Variants in NINJ2 observed in about 807,000 individuals in gnomAD.
NINJ2 encodes ninjurin-2.
A neutral mutation model predicts 11.7 loss-of-function variants in NINJ2; 12 were observed. The ratio of observed to expected loss-of-function variants is 1.02; its 90% CI spans 0.66 to 1.66. The LOEUF (loss-of-function observed/expected upper bound fraction) is 1.66. Ranked by LOEUF, NINJ2 falls within the 40% of genes most tolerant of loss-of-function variation. The pLI is 0.00. For missense variants in NINJ2, 187 were observed against 181.8 expected (o/e 1.03, Z -0.16); for synonymous variants, 93 against 76.8 (o/e 1.21, Z -1.10).
intron 1 of NINJ2, among the ~76,000 whole-genome samples, chr12:626,820 T>G (rs1948215563): frequency 6.6e-6 from 1 of 152,198 alleles, no homozygotes; most frequent in Non-Finnish European, 1.5e-5. Context: ...GTGCTGTAGC[T>G]TGCGCCTATA....
chr12:589,014 T>G (rs1947682470), intron 1 of NINJ2, among the ~76,000 whole-genome samples: 3 of 152,172 alleles, frequency 2.0e-5, no homozygotes, highest in Admixed American at 1.3e-4. Context: ...TAGTCTTACC[T>G]AGTAAGTCCA....
At chr12:649,531 G>GTGTATATATATATATATATATA (rs139452771) in intron 1 of NINJ2, among the ~76,000 whole-genome samples, 17 of 127,686 alleles carry the variant, frequency 1.3e-4, no homozygotes, top group East Asian at 2.5e-4. Context: ...GTGTATATGT[G>GTGTATATATATATATATATATA]TATATATATA....
chr12:658,782 C>T (rs556230204), intron 1 of NINJ2, among the ~76,000 whole-genome samples: 26 of 151,870 alleles, frequency 1.7e-4, no homozygotes, highest in Middle Eastern at 3.5e-3. Flanking sequence ...CATGTTATTA[C>T]GCATAGAATG....
At chr12:604,364 GCGGT>G (rs1947910432) in intron 1 of NINJ2, among the ~76,000 whole-genome samples, 2 of 139,468 alleles carry the variant, frequency 1.4e-5, no homozygotes, top group African/African-American at 6.7e-5. Context: ...CTGGCCGGGT[GCGGT>G]GGCTCACGCC....
At chr12:610,866 T>C (rs1000737287) in intron 1 of NINJ2, among the ~76,000 whole-genome samples, 46 of 151,554 alleles carry the variant, frequency 3.0e-4, no homozygotes, top group African/African-American at 1.0e-3. Flanking sequence ...CCCAAGTAGC[T>C]GGGATTACAG....
At chr12:660,812 T>C (rs1305371331) in intron 1 of NINJ2, among the ~76,000 whole-genome samples, 1 of 152,020 alleles carries the variant, frequency 6.6e-6, no homozygotes, top group Non-Finnish European at 1.5e-5. Context: ...AATATGAAAA[T>C]TAGCCAAGTG....
chr12:611,892 T>C (rs1948037600), intron 1 of NINJ2, among the ~76,000 whole-genome samples: 1 of 152,226 alleles, frequency 6.6e-6, no homozygotes, highest in Admixed American at 6.5e-5. Context: ...TCTTGCAGGA[T>C]AGTAGAATAT....
rs1407684094 is a variant in NINJ2 at position 580,305 on chromosome 12, C to T, written c.34-14127G>A. ...AGGAGTGAATGAATGATGCATTTGT[C>T]AGCAGTGCATGGTGGCTCACACCTG... On this transcript the variant is annotated intron_variant, in intron 1 of 3. Transcript: ENST00000305108. This position sits in a 1 kb window ranked among gnomAD's most constrained non-coding sequence, Gnocchi z 4.7. Among the ~76,000 whole-genome samples, 1 of 152,090 alleles carries T rather than the reference C, an allele frequency of 6.6e-6. No individual in the cohort carries two copies. Among genetic ancestry groups the T allele is most frequent in the African/African-American group, 2.4e-5 (1 of 41,384 alleles).
In NINJ2 at chr12:565,933, C is replaced by T; in HGVS notation, c.262+17G>A. 1 of 1,610,234 alleles carries T rather than the reference C, an allele frequency of 6.2e-7. No homozygotes were observed. The highest frequency in any genetic ancestry group is 8.5e-7 in the Non-Finnish European group (1 of 1,176,426). ...GGTGCCGAGGCAGAAGGTCTGACTG[C>T]AGGCTGGGCTCCTCACCAATGACCA... On this transcript the variant is annotated intron_variant, in intron 2 of 3. Coordinates refer to ENST00000305108, the MANE Select transcript of NINJ2 (RefSeq NM_016533.6).
rs558046251 is a variant in NINJ2 at position 564,368 on chromosome 12, G to C, written c.*332C>G. The C allele has an allele frequency of 8.4e-4, 128 of 152,366 alleles. No homozygotes were observed. Among genetic ancestry groups the C allele is most frequent in the African/African-American group, 2.9e-3 (122 of 41,560 alleles). 9.4% of individuals were successfully genotyped at this position (152,366 alleles called of 1,614,324 possible). A position where few individuals can be genotyped will look rare whatever the true frequency, so the allele number is the denominator to read the frequency against. ...GGAAAATTGAGGCCTGGAGCAGAAG[G>C]AAGCAGTGGGGTAGAGTCAGAACCA... On this transcript the variant is annotated 3_prime_UTR_variant, in exon 4 of 4. Coordinates refer to ENST00000305108, the MANE Select transcript of NINJ2 (RefSeq NM_016533.6).
At chr12:607,610 G>A (rs1174561688) in intron 1 of NINJ2, among the ~76,000 whole-genome samples, 1 of 152,216 alleles carries the variant, frequency 6.6e-6, no homozygotes, top group Non-Finnish European at 1.5e-5. Context: ...GTGGCCATTG[G>A]CTGTGAGTGA....
intron 1 of NINJ2, among the ~76,000 whole-genome samples, chr12:576,815 A>G (rs890426693): frequency 6.6e-6 from 1 of 152,024 alleles, no homozygotes; most frequent in Non-Finnish European, 1.5e-5. Flanking sequence ...CTCCCTCTCA[A>G]TATCCACCCT....
chr12:660,122 A>C, intron 1 of NINJ2, among the ~76,000 whole-genome samples: 1 of 139,828 alleles, frequency 7.2e-6, no homozygotes, highest in East Asian at 2.1e-4. Flanking sequence ...CCAATCACTA[A>C]AAAAAGAAAA....
rs1328378010 is a variant in NINJ2 at position 581,300 on chromosome 12, C to T, written c.34-15122G>A. On this transcript the variant is annotated intron_variant, in intron 1 of 3. Coordinates refer to ENST00000305108, the MANE Select transcript of NINJ2 (RefSeq NM_016533.6). The surrounding 1 kb of genome is among the most constrained non-coding windows in gnomAD (Gnocchi z 4.9). ...TACAGACAAGGCAGGGATACTGGTG[C>T]ATTATCCGGAGGGAGCTCGGGGGGC... Among the ~76,000 whole-genome samples, 3 of 152,146 alleles carry T rather than the reference C, an allele frequency of 2.0e-5. No individual in the cohort carries two copies. Among genetic ancestry groups the T allele is most frequent in the Non-Finnish European group, 4.4e-5 (3 of 68,024 alleles).
intron 1 of NINJ2, among the ~76,000 whole-genome samples, chr12:589,076 G>T (rs1592081702): frequency 6.6e-6 from 1 of 152,152 alleles, no homozygotes. Context: ...GCTCCCCAAA[G>T]CTCAAAAAGA....
chr12:570,797 T>C (rs545256420), intron 1 of NINJ2, among the ~76,000 whole-genome samples: 2 of 152,316 alleles, frequency 1.3e-5, no homozygotes, highest in East Asian at 3.9e-4. Flanking sequence ...CTGCTGATCC[T>C]CGAGGAGCAG....
At chr12:607,562 T>C (rs1804475411) in intron 1 of NINJ2, among the ~76,000 whole-genome samples, 1 of 152,182 alleles carries the variant, frequency 6.6e-6, no homozygotes, top group African/African-American at 2.4e-5. Context: ...AGCCCAGGTG[T>C]TGACATAGGA....
chr12:611,263 T>TTCTTTCTCTCTCTC (rs1555165052), intron 1 of NINJ2, among the ~76,000 whole-genome samples: 6 of 126,458 alleles, frequency 4.7e-5, no homozygotes, highest in African/African-American at 1.7e-4. Flanking sequence ...CTCTCTTTCT[T>TTCTTTCTCTCTCTC]TCTTTCTTTC....
chr12:610,423 C>G (rs1948013656), intron 1 of NINJ2: 1 of 1,535,400 alleles, frequency 6.5e-7, no homozygotes, highest in African/African-American at 1.4e-5. Context: ...TACTGGAGAA[C>G]AGGAAGTCTC....
Sources: gnomAD v4.1 joint callset for allele counts (sites outside exome capture counted in the v4.1 genomes callset) on GRCh38, gnomAD v4.1.1 for gene constraint, Gnocchi (gnomAD v3.1) non-coding constraint, MANE v1.5 for transcripts, NCBI Gene and HGNC (gene_info 2026-07-23, HGNC 2026-07-21) for gene names.